The following PDSS2 variants were observed in gnomAD, a reference collection of about 807,000 sequenced individuals.
PDSS2 encodes the protein all trans-polyprenyl-diphosphate synthase PDSS2.
A neutral mutation model predicts 44.5 loss-of-function variants in PDSS2; 31 were observed. The ratio of observed to expected loss-of-function variants is 0.70; its 90% CI spans 0.52 to 0.94. PDSS2 has a LOEUF of 0.94. Among genes scored for constraint, PDSS2 ranks in the 40% least tolerant of loss-of-function variants. PDSS2 has a pLI of 0.00. For missense variants in PDSS2, 452 were observed against 482.2 expected, an observed-to-expected ratio of 0.94 and a Z score of 0.59; for synonymous variants, 157 against 180.3, an observed-to-expected ratio of 0.87 and a Z score of 1.03.
intron 4 of PDSS2, among the ~76,000 whole-genome samples, chr6:107,230,736 GT>G (rs1562394076): frequency 6.6e-6 from 1 of 152,002 alleles, no homozygotes; most frequent in Non-Finnish European, 1.5e-5. Context: ...GTCAAAGCAA[GT>G]GAGCCCAGAG....
intron 3 of PDSS2, among the ~76,000 whole-genome samples, chr6:107,267,916 A>C (rs1270884534): frequency 6.6e-6 from 1 of 152,096 alleles, no homozygotes; most frequent in Non-Finnish European, 1.5e-5. Flanking sequence ...AGTCTGCTTA[A>C]TAGGATCAAT....
chr6:107,456,676 G>A (rs1452604148), intron 1 of PDSS2, among the ~76,000 whole-genome samples: 6 of 152,066 alleles, frequency 3.9e-5, no homozygotes, highest in African/African-American at 1.4e-4. Flanking sequence ...CAAGCAGCTG[G>A]GACTACAGAT....
At chr6:107,161,047 A>AT (rs1425948739) in intron 7 of PDSS2, among the ~76,000 whole-genome samples, 12 of 151,402 alleles carry the variant, frequency 7.9e-5, no homozygotes, top group South Asian at 2.1e-4. Flanking sequence ...CAATTTTTGT[A>AT]TTTTTTTAAT....
rs372721628 is a variant in PDSS2, at chr6:107,277,760, C to G, written c.432-3533G>C. On this transcript the variant is annotated intron_variant, in intron 2 of 7. Coordinates refer to ENST00000369037, the MANE Select transcript of PDSS2 (RefSeq NM_020381.4). ...CTGAGGTAAGGAGTTCGAAACCAAC[C>G]TGGCCAACATGGTGAAACCCCGTCT... 5.3e-5 allele frequency among the ~76,000 whole-genome samples: 8 copies of G among 152,096 alleles called. No individual in the cohort carries two copies. In the East Asian group the frequency reaches 1.3e-3, roughly 26 times the overall value.
intron 4 of PDSS2, among the ~76,000 whole-genome samples, chr6:107,233,802 G>C (rs1774132746): frequency 1.3e-5 from 2 of 151,860 alleles, no homozygotes; most frequent in Admixed American, 1.3e-4. Context: ...GACAGAGTGA[G>C]ACCCTGTCTC....
At chr6:107,411,516 T>C (rs981618489) in intron 1 of PDSS2, among the ~76,000 whole-genome samples, 1 of 152,222 alleles carries the variant, frequency 6.6e-6, no homozygotes, top group Admixed American at 6.5e-5. Flanking sequence ...GAGCCATCTA[T>C]ACAATTGGCC....
chr6:107,456,019 G>A (rs1470936242), intron 1 of PDSS2, among the ~76,000 whole-genome samples: 1 of 151,988 alleles, frequency 6.6e-6, no homozygotes, highest in African/African-American at 2.4e-5. Context: ...CAACCCAAAT[G>A]TTAATTACAA....
chr6:107,325,428 G>T (rs1338735156), intron 2 of PDSS2, among the ~76,000 whole-genome samples: 7 of 152,118 alleles, frequency 4.6e-5, no homozygotes, highest in Admixed American at 1.3e-4. Flanking sequence ...TTAATCAATT[G>T]AATACACCGA....
intron 2 of PDSS2, among the ~76,000 whole-genome samples, chr6:107,300,142 C>T (rs1321379809): frequency 6.6e-6 from 1 of 152,168 alleles, no homozygotes; most frequent in Non-Finnish European, 1.5e-5. Context: ...GTATCTTTAA[C>T]CTCCTTGTTA....
chr6:107,165,578 T>C (rs1771314028), intron 7 of PDSS2, among the ~76,000 whole-genome samples: 1 of 152,206 alleles, frequency 6.6e-6, no homozygotes, highest in Non-Finnish European at 1.5e-5. Context: ...CCTTGTAGTA[T>C]AGTTTGAAAT....
intron 7 of PDSS2, among the ~76,000 whole-genome samples, chr6:107,175,273 A>T (rs1324550123): frequency 6.6e-6 from 1 of 151,870 alleles, no homozygotes; most frequent in African/African-American, 2.4e-5. Flanking sequence ...ACCTATATCT[A>T]TCTTCTACCC....
chr6:107,244,579 A>G (rs1227676772), intron 4 of PDSS2, among the ~76,000 whole-genome samples: 1 of 152,222 alleles, frequency 6.6e-6, no homozygotes, highest in Admixed American at 6.5e-5. Flanking sequence ...TACTTGAACC[A>G]AACGTTGGCA....
At position 107,455,688 on chromosome 6, in the gene PDSS2, A is replaced by G. The variant is rs371850302; in HGVS notation, c.296+3302T>C. 2.4e-4 allele frequency among the ~76,000 whole-genome samples: 32 copies of G among 133,282 alleles called. No homozygotes were observed. The East Asian group carries it at 7.6e-3, about 32-fold the overall frequency. The allele number at this position is 133,282 out of a possible 152,430, so 87.4% of individuals were successfully genotyped here. A position where few individuals can be genotyped will look rare whatever the true frequency, so the allele number is the denominator to read the frequency against. ...AGAATTGCTTGAACCAGGGTGTCAG[A>G]GGTTGCAGTGAGCCGAGATCAGGCC... On this transcript the variant is annotated intron_variant, in intron 1 of 7. Transcript: ENST00000369037.
At chr6:107,365,795 A>G (rs1477011445) in intron 1 of PDSS2, among the ~76,000 whole-genome samples, 2 of 152,330 alleles carry the variant, frequency 1.3e-5, no homozygotes, top group East Asian at 3.9e-4. Context: ...ACATTTCATA[A>G]TCATAAAGGT....
chr6:107,288,706 G>T (rs1198807654), intron 2 of PDSS2, among the ~76,000 whole-genome samples: 1 of 151,340 alleles, frequency 6.6e-6, no homozygotes, highest in East Asian at 1.9e-4. Context: ...AGCAGTATGG[G>T]GTCATTAAGG....
intron 3 of PDSS2, among the ~76,000 whole-genome samples, chr6:107,249,655 CA>C: frequency 6.6e-6 from 1 of 152,258 alleles, no homozygotes; most frequent in African/African-American, 2.4e-5. Flanking sequence ...ACAGCAAAGC[CA>C]TACACTATCC....
At chr6:107,186,609 G>GC (rs985169121) in intron 7 of PDSS2, among the ~76,000 whole-genome samples, 4 of 151,776 alleles carry the variant, frequency 2.6e-5, no homozygotes, top group East Asian at 3.9e-4. Context: ...CTCCTTTCGC[G>GC]CCCCCCTACC....
intron 3 of PDSS2, among the ~76,000 whole-genome samples, chr6:107,272,088 A>C (rs12213723): frequency 0.075 from 7,892 of 105,770 alleles, 421 homozygotes; most frequent in African/African-American, 0.19. Flanking sequence ...AAGAAACAAA[A>C]AAAAAAAAAA....
At chr6:107,223,299 G>A (rs1468849402) in intron 4 of PDSS2, among the ~76,000 whole-genome samples, 4 of 150,686 alleles carry the variant, frequency 2.7e-5, no homozygotes, top group Admixed American at 2.6e-4. Context: ...GGAGGCCGAG[G>A]TGGGCAGATC....
Sources: allele counts gnomAD v4.1 joint callset (sites outside exome capture counted in the v4.1 genomes callset), GRCh38; gene constraint gnomAD v4.1.1; transcripts MANE v1.5; gene names NCBI Gene and HGNC (gene_info 2026-07-23, HGNC 2026-07-21).